Variants in SYT17 observed in about 807,000 individuals in gnomAD.
The protein encoded by SYT17 is synaptotagmin-17.
A neutral mutation model predicts 46.7 loss-of-function variants in SYT17; 22 were observed. The observed-to-expected ratio is 0.47, with a 90% CI of 0.34 to 0.67. The LOEUF is 0.67. Ranked by LOEUF, SYT17 falls within the 30% of genes least tolerant of loss-of-function variation. The pLI is 0.01. For missense variants in SYT17, 519 were observed against 612.8 expected, an observed-to-expected ratio of 0.85 and a Z score of 1.62; for synonymous variants, 251 against 248.4, an observed-to-expected ratio of 1.01 and a Z score of -0.10.
intron 7 of SYT17, among the ~76,000 whole-genome samples, chr16:19,227,042 GGCA>G (rs774465550): frequency 4.6e-5 from 7 of 152,194 alleles, no homozygotes; most frequent in Non-Finnish European, 8.8e-5. Flanking sequence ...GGTGACCCTG[GGCA>G]AGATCTGCGT....
Position 19,267,126 on chromosome 16 carries a change from CG to C in SYT17, c.*52del. 1 of 904,184 alleles carries C rather than the reference CG, an allele frequency of 1.1e-6. No homozygotes were observed. The highest frequency in any genetic ancestry group is 1.6e-6 in the Non-Finnish European group (1 of 635,004). 56.0% of individuals were successfully genotyped at this position (904,184 alleles called of 1,614,324 possible). ...TTTGTTTAAAAAAAAAAAAAAAAGA[CG>C]GAAAAAAATGTGTCACATACTATTA... On this transcript the variant is annotated 3_prime_UTR_variant, in exon 8 of 8. Coordinates refer to ENST00000355377, the MANE Select transcript of SYT17 (RefSeq NM_016524.4).
intron 5 of SYT17, among the ~76,000 whole-genome samples, chr16:19,188,570 C>T (rs529719869): frequency 1.3e-5 from 2 of 149,322 alleles, no homozygotes; most frequent in African/African-American, 2.5e-5. Context: ...TGTCTTTGGC[C>T]GGGTTCCCTA....
At position 19,183,496 on chromosome 16, in the gene SYT17, C is replaced by T. The variant is rs1964636648; in HGVS notation, c.332-32C>T. 6.2e-7 allele frequency: 1 copy of T among 1,610,586 alleles called. No homozygotes were observed. The highest frequency in any genetic ancestry group is 1.3e-5 in the African/African-American group (1 of 74,888). On this transcript the variant is annotated intron_variant, in intron 4 of 7. Transcript: ENST00000355377. The surrounding 1 kb of genome is among the most constrained non-coding windows in gnomAD (Gnocchi z 5.6). Reference sequence around the variant, plus strand: ...TGGCCCAGGTCTGCCCCGTATGTGGCTGTCTTCATTGTTATTTCTGGTGGC... The same window carrying T: ...TGGCCCAGGTCTGCCCCGTATGTGGTTGTCTTCATTGTTATTTCTGGTGGC...
chr16:19,239,577 A>T (rs1226557832), intron 7 of SYT17, among the ~76,000 whole-genome samples: 1 of 152,210 alleles, frequency 6.6e-6, no homozygotes, highest in Non-Finnish European at 1.5e-5. Flanking sequence ...ATAACAGCAA[A>T]CACTTAAATC....
intron 7 of SYT17, among the ~76,000 whole-genome samples, chr16:19,237,456 T>C (rs1966864189): frequency 6.6e-6 from 1 of 152,090 alleles, no homozygotes; most frequent in Non-Finnish European, 1.5e-5. Flanking sequence ...CACCCAACAG[T>C]GCGCCATCTC....
intron 7 of SYT17, among the ~76,000 whole-genome samples, chr16:19,226,378 C>T (rs1596982787): frequency 6.6e-6 from 1 of 152,186 alleles, no homozygotes; most frequent in Admixed American, 6.5e-5. Flanking sequence ...GGCTCCAGGT[C>T]TCCCAAGAAA....
At chr16:19,216,380 C>CTT (rs5816039) in intron 5 of SYT17, among the ~76,000 whole-genome samples, 3 of 141,552 alleles carry the variant, frequency 2.1e-5, no homozygotes, top group East Asian at 4.0e-4. Flanking sequence ...ACAATTATTT[C>CTT]TTTTTTTTTT....
At chr16:19,206,092 T>C (rs927066249) in intron 5 of SYT17, among the ~76,000 whole-genome samples, 1 of 152,136 alleles carries the variant, frequency 6.6e-6, no homozygotes, top group Non-Finnish European at 1.5e-5. Flanking sequence ...GTCAGTGTGA[T>C]AGTAGAAATG....
chr16:19,206,465 T>G (rs1167875296), intron 5 of SYT17, among the ~76,000 whole-genome samples: 1 of 152,202 alleles, frequency 6.6e-6, no homozygotes, highest in Non-Finnish European at 1.5e-5. Context: ...TGTAACTCTT[T>G]GTCTTTTGTC....
At chr16:19,189,048 G>A (rs1422193173) in intron 5 of SYT17, among the ~76,000 whole-genome samples, 13 of 152,022 alleles carry the variant, frequency 8.6e-5, no homozygotes, top group African/African-American at 3.1e-4. Flanking sequence ...CACCACGCCC[G>A]GCTAATTTTT....
At chr16:19,173,158 A>C in intron 2 of SYT17, 1 of 541,896 alleles carries the variant, frequency 1.8e-6, no homozygotes, top group Non-Finnish European at 3.2e-6. Flanking sequence ...CGTTCACATA[A>C]ACTACAAAAG....
chr16:19,231,152 G>A (rs1567223178), intron 7 of SYT17, among the ~76,000 whole-genome samples: 2 of 152,332 alleles, frequency 1.3e-5, no homozygotes, highest in South Asian at 2.1e-4. Context: ...TCTTCTTGGA[G>A]GTAAAGTTTT....
intron 7 of SYT17, among the ~76,000 whole-genome samples, chr16:19,232,266 G>A (rs915308319): frequency 1.2e-4 from 18 of 148,654 alleles, no homozygotes; most frequent in Non-Finnish European, 2.1e-4. Context: ...TGACAGACAC[G>A]CCTCAATTTT....
intron 5 of SYT17, among the ~76,000 whole-genome samples, chr16:19,199,760 A>G (rs1261473141): frequency 6.9e-6 from 1 of 144,258 alleles, no homozygotes; most frequent in Non-Finnish European, 1.5e-5. Context: ...AACAAACAAA[A>G]AAGGATGATA....
chr16:19,194,942 A>G (rs1171365759), intron 5 of SYT17, among the ~76,000 whole-genome samples: 3 of 152,186 alleles, frequency 2.0e-5, no homozygotes, highest in African/African-American at 7.2e-5. Context: ...CTTGGAAGGA[A>G]CTCAATAGAT....
At chr16:19,179,737 C>G (rs1159802266) in intron 3 of SYT17, among the ~76,000 whole-genome samples, 1 of 152,206 alleles carries the variant, frequency 6.6e-6, no homozygotes, top group Non-Finnish European at 1.5e-5. Flanking sequence ...AATGACTACC[C>G]TGTATCGTCT....
intron 5 of SYT17, among the ~76,000 whole-genome samples, chr16:19,189,266 C>T (rs144275187): frequency 2.5e-3 from 374 of 151,982 alleles, no homozygotes; most frequent in African/African-American, 8.0e-3. Flanking sequence ...ATTTAAATAA[C>T]GACATATACA....
chr16:19,244,187 A>G (rs1175110328), intron 7 of SYT17, among the ~76,000 whole-genome samples: 1 of 152,196 alleles, frequency 6.6e-6, no homozygotes, highest in East Asian at 1.9e-4. Context: ...ATCCCATTTT[A>G]CAGGGAAAGA....
At chr16:19,196,802 T>C (rs997212709) in intron 5 of SYT17, among the ~76,000 whole-genome samples, 24 of 152,198 alleles carry the variant, frequency 1.6e-4, no homozygotes, top group Non-Finnish European at 1.5e-5. Flanking sequence ...TTTGGACAAA[T>C]GTATAATGAC....
Sources: allele counts gnomAD v4.1 joint callset (sites outside exome capture counted in the v4.1 genomes callset), GRCh38; gene constraint gnomAD v4.1.1; non-coding constraint Gnocchi (gnomAD v3.1); transcripts MANE v1.5; gene names NCBI Gene and HGNC (gene_info 2026-07-23, HGNC 2026-07-21).